The following VWA3B variants were observed in gnomAD, a reference collection of about 807,000 sequenced individuals.
VWA3B encodes von Willebrand factor A domain-containing protein 3B.
A neutral mutation model predicts 158.3 loss-of-function variants in VWA3B; 138 were observed. The ratio of observed to expected loss-of-function variants is 0.87; its 90% confidence interval spans 0.76 to 1.00. The LOEUF is 1.00. VWA3B is among the 50% of genes least tolerant of loss of function. The pLI, the probability that VWA3B is intolerant of heterozygous loss-of-function variation, is 0.00. For synonymous variants in VWA3B, 596 were observed against 587.3 expected, an observed-to-expected ratio of 1.01 and a Z score of -0.21; for missense variants, 1,555 against 1,565.1, an observed-to-expected ratio of 0.99 and a Z score of 0.11.
chr2:98,279,331 G>A (rs939389947), intron 22 of VWA3B, among the ~76,000 whole-genome samples: 4 of 152,212 alleles, frequency 2.6e-5, no homozygotes, highest in African/African-American at 9.6e-5. Context: ...GAACCAGGCT[G>A]TCTTTTCATT....
intron 7 of VWA3B, among the ~76,000 whole-genome samples, chr2:98,159,144 T>A (rs1678358087): frequency 6.6e-6 from 1 of 152,252 alleles, no homozygotes; most frequent in Non-Finnish European, 1.5e-5. Flanking sequence ...CTAGCCAGTC[T>A]GAGAAGTCAA....
intron 13 of VWA3B, 41 bp downstream of exon 13, chr2:98,212,069 C>A (rs1273017383): frequency 6.4e-7 from 1 of 1,573,624 alleles, no homozygotes; most frequent in Non-Finnish European, 8.7e-7. Context: ...CTCACTGATG[C>A]TCTGAAAGCA....
chr2:98,294,203 CAAAA>C (rs751689571), intron 23 of VWA3B, among the ~76,000 whole-genome samples: 29 of 56,280 alleles, frequency 5.2e-4, no homozygotes, highest in African/African-American at 1.6e-3. Context: ...CACACACACA[CAAAA>C]AAAAAAAAAA....
At chr2:98,203,332 A>G (rs1398565975) in intron 12 of VWA3B, among the ~76,000 whole-genome samples, 1 of 152,218 alleles carries the variant, frequency 6.6e-6, no homozygotes, top group Non-Finnish European at 1.5e-5. Flanking sequence ...CTTGATAGCT[A>G]TAGCTGTATA....
intron 2 of VWA3B, among the ~76,000 whole-genome samples, chr2:98,107,630 T>G (rs1673776487): frequency 6.6e-6 from 1 of 152,114 alleles, no homozygotes. Flanking sequence ...AGGATTTAAT[T>G]CATTTCATCC....
chr2:98,230,230 G>T, intron 16 of VWA3B, 23 bp downstream of exon 16: 1 of 1,518,256 alleles, frequency 6.6e-7, no homozygotes, highest in South Asian at 1.4e-5. Flanking sequence ...AAAATGGCTT[G>T]ACTCTTTGCT....
chr2:98,117,748 CTTTTTTTTTTT>C (rs35080840), intron 3 of VWA3B, among the ~76,000 whole-genome samples: 1 of 119,472 alleles, frequency 8.4e-6, no homozygotes, highest in Non-Finnish European at 1.7e-5. Flanking sequence ...CTTAAATTAC[CTTTTTTTTTTT>C]TTTTTTTTTT....
At position 98,297,960 on chromosome 2, in the gene VWA3B, G is replaced by A. The variant is rs187032973; in HGVS notation, c.3211G>A (p.Gly1071Arg). The change falls in exon 24 of 28, where the codon GGA (glycine) becomes AGA (arginine). Residue 1071 changes from glycine (G) to arginine (R), a missense_variant. By Grantham distance (125) the Gly-to-Arg change is moderately radical. Transcript: ENST00000477737. ...RTQALVGFSY[G>R]DTKVVSTSFI... is the part of the protein sequence containing the mutation. ...CCAAGCACTGGTGGGCTTCAGTTACGGAGACACCAAGGTCGTGTCCACCTC... is the reference window on the plus strand; with the variant it reads ...CCAAGCACTGGTGGGCTTCAGTTACAGAGACACCAAGGTCGTGTCCACCTC... 57 of 1,587,276 alleles carry A rather than the reference G, an allele frequency of 3.6e-5. 3 individuals are homozygous for A. The Middle Eastern group carries it at 8.4e-4, about 23-fold the overall frequency.
At chr2:98,279,371 G>C (rs1258187699) in intron 22 of VWA3B, among the ~76,000 whole-genome samples, 1 of 152,154 alleles carries the variant, frequency 6.6e-6, no homozygotes, top group African/African-American at 2.4e-5. Flanking sequence ...CCTCGCTGGA[G>C]ATTCGGCTGG....
intron 6 of VWA3B, among the ~76,000 whole-genome samples, chr2:98,132,490 G>C (rs1027243454): frequency 6.6e-6 from 1 of 152,246 alleles, no homozygotes; most frequent in Admixed American, 6.5e-5. Context: ...AGAACCACCA[G>C]TCCAAGCACA....
intron 8 of VWA3B, among the ~76,000 whole-genome samples, chr2:98,178,785 T>C (rs1245898729): frequency 6.6e-6 from 1 of 152,018 alleles, no homozygotes; most frequent in Non-Finnish European, 1.5e-5. Context: ...GGCATCAGTA[T>C]TTTTTTTAAA....
chr2:98,268,412 T>G (rs1460191282), intron 21 of VWA3B, among the ~76,000 whole-genome samples: 1 of 152,134 alleles, frequency 6.6e-6, no homozygotes, highest in Non-Finnish European at 1.5e-5. Flanking sequence ...AATCTATTCT[T>G]TAAGTTCACT....
chr2:98,121,563 C>A, intron 5 of VWA3B, 105 bp downstream of exon 5: 1 of 1,445,624 alleles, frequency 6.9e-7, no homozygotes, highest in Non-Finnish European at 9.4e-7. Flanking sequence ...TTGGGCCCCT[C>A]CCAGCAGGAT....
At chr2:98,208,366 T>A (rs980109732) in intron 12 of VWA3B, among the ~76,000 whole-genome samples, 1 of 152,142 alleles carries the variant, frequency 6.6e-6, no homozygotes, top group African/African-American at 2.4e-5. Context: ...AAGTAATTAT[T>A]CATATTTAAG....
intron 22 of VWA3B, among the ~76,000 whole-genome samples, chr2:98,279,662 G>A (rs188649786): frequency 2.6e-5 from 4 of 152,322 alleles, no homozygotes; most frequent in Admixed American, 1.3e-4. Context: ...GCAGGAAGCT[G>A]TTATCATCCC....
the VWA3B span, among the ~76,000 whole-genome samples, chr2:98,330,036 A>G: frequency 6.6e-6 from 1 of 152,174 alleles, no homozygotes; most frequent in Non-Finnish European, 1.5e-5. Context: ...CTCCGGACCT[A>G]TGAGAACTAA....
At chr2:98,213,947 T>C (rs543990715) in intron 13 of VWA3B, among the ~76,000 whole-genome samples, 5 of 152,222 alleles carry the variant, frequency 3.3e-5, no homozygotes, top group African/African-American at 1.2e-4. Context: ...TCTCAACACT[T>C]TGGTAGGCTG....
chr2:98,267,263 T>C (rs1687903895), intron 21 of VWA3B, among the ~76,000 whole-genome samples: 1 of 151,946 alleles, frequency 6.6e-6, no homozygotes, highest in African/African-American at 2.4e-5. Flanking sequence ...TGAAGGGTTG[T>C]TGAATTTTGT....
intron 2 of VWA3B, among the ~76,000 whole-genome samples, chr2:98,105,113 T>G (rs193293265): frequency 3.9e-5 from 6 of 152,354 alleles, no homozygotes; most frequent in African/African-American, 1.4e-4. Context: ...GATTTGAGGT[T>G]TCAACTGATG....
Sources: gnomAD v4.1 joint callset for allele counts (sites outside exome capture counted in the v4.1 genomes callset) on GRCh38, gnomAD v4.1.1 for gene constraint, MANE v1.5 for transcripts, NCBI Gene and HGNC (gene_info 2026-07-23, HGNC 2026-07-21) for gene names.